The following CPEB1 variants were observed in gnomAD, a reference collection of about 807,000 sequenced individuals.
The protein encoded by CPEB1 is cytoplasmic polyadenylation element binding protein 1.
CPEB1 carries 7 observed loss-of-function variants against 65.8 expected under a neutral mutation model. That is an observed-to-expected ratio of 0.11 (90% CI 0.06 to 0.20). CPEB1 has a LOEUF of 0.20. Ranked by LOEUF, CPEB1 falls within the 10% of genes least tolerant of loss-of-function variation. The probability of loss-of-function intolerance (pLI) is 1.00; values close to 1 mark genes in which losing one functional copy is unlikely to be tolerated. For synonymous variants in CPEB1, 262 were observed against 260.0 expected (o/e 1.01, Z -0.08); for missense variants, 551 against 712.2 (o/e 0.77, Z 2.58).
chr15:82,648,192 A>G, upstream of CPEB1: 1 of 307,238 alleles, frequency 3.3e-6, no homozygotes. Context: ...CTGGGGGGCC[A>G]GAGACCTAAG....
At chr15:82,647,820 G>A, upstream of CPEB1, 1 of 1,282,804 alleles carries the variant, frequency 7.8e-7, no homozygotes, top group Non-Finnish European at 9.8e-7. Context: ...CGGCCGGGAC[G>A]CGGCCCCGCC....
intron 3 of CPEB1, among the ~76,000 whole-genome samples, chr15:82,591,756 G>C (rs1234298576): frequency 1.3e-5 from 2 of 151,540 alleles, no homozygotes; most frequent in Non-Finnish European, 2.9e-5. Context: ...TCTGGATATT[G>C]CACATAAATT....
intron 3 of CPEB1, among the ~76,000 whole-genome samples, chr15:82,603,735 GACT>G (rs1181528428): frequency 6.6e-6 from 1 of 151,920 alleles, no homozygotes; most frequent in African/African-American, 2.4e-5. Context: ...ATCATTAGCC[GACT>G]ACTAAGATAA....
In CPEB1 at chr15:82,586,214, T is replaced by C. The variant is rs183324510; in HGVS notation, c.272-14682A>G. 1.7e-3 allele frequency among the ~76,000 whole-genome samples: 261 copies of C among 151,840 alleles called. 1 individual carries two copies. Among genetic ancestry groups the C allele is most frequent in the African/African-American group, 5.8e-3 (238 of 41,380 alleles). The stretch of plus-strand genomic sequence containing the variant: ...CATTTGGAATGTTAATCTAATTTGA[T>C]TGGAAGGTTGAAGCATTTTTTTCAG... On this transcript the variant is annotated intron_variant, in intron 3 of 12. Coordinates refer to ENST00000684509, the MANE Select transcript of CPEB1 (RefSeq NM_001365242.1).
At chr15:82,634,339 G>A in intron 1 of CPEB1, among the ~76,000 whole-genome samples, 1 of 152,068 alleles carries the variant, frequency 6.6e-6, no homozygotes. Flanking sequence ...TGGAAACCTT[G>A]GCCCTGCCTT....
intron 9 of CPEB1, 114 bp from the exon 10 acceptor site, chr15:82,549,772 G>T (rs2035924936): frequency 1.0e-6 from 1 of 986,668 alleles, no homozygotes; most frequent in Non-Finnish European, 1.5e-6. Context: ...GCCCTTACAG[G>T]GGTGAAAAGG....
intron 4 of CPEB1, among the ~76,000 whole-genome samples, chr15:82,560,956 T>C (rs1205931625): frequency 1.3e-5 from 2 of 152,200 alleles, no homozygotes; most frequent in African/African-American, 2.4e-5. Flanking sequence ...GAATTGATGA[T>C]AACAGCAACA....
At chr15:82,586,974 G>A (rs2041854113) in intron 3 of CPEB1, among the ~76,000 whole-genome samples, 1 of 152,094 alleles carries the variant, frequency 6.6e-6, no homozygotes, top group African/African-American at 2.4e-5. Flanking sequence ...AACAGAGAAG[G>A]AATTGCAATT....
At chr15:82,588,168 G>A (rs2041952714) in intron 3 of CPEB1, among the ~76,000 whole-genome samples, 1 of 151,522 alleles carries the variant, frequency 6.6e-6, no homozygotes, top group Non-Finnish European at 1.5e-5. Flanking sequence ...GGCTGGTCTC[G>A]AACTCCTGGG....
chr15:82,564,775 C>T (rs1411196058), intron 4 of CPEB1, among the ~76,000 whole-genome samples: 1 of 152,152 alleles, frequency 6.6e-6, no homozygotes, highest in Non-Finnish European at 1.5e-5. Flanking sequence ...AAGAAAGCTC[C>T]TCTGCTTGAG....
rs577285342 is a variant in CPEB1, at chr15:82,622,011, G to C, written c.271+5182C>G. Among the ~76,000 whole-genome samples, 140 of 152,280 alleles carry C rather than the reference G, an allele frequency of 9.2e-4. 1 individual carries two copies. Among genetic ancestry groups the C allele is most frequent in the African/African-American group, 3.2e-3 (133 of 41,546 alleles). On this transcript the variant is annotated intron_variant, in intron 3 of 12. Transcript: ENST00000684509. Reference sequence around the variant, plus strand: ...TATAGCAGTTAAGACATCCCTTAATGATGTTTCACCACTTTTCACATCTTT... The same window carrying C: ...TATAGCAGTTAAGACATCCCTTAATCATGTTTCACCACTTTTCACATCTTT...
chr15:82,647,649 G>T (rs1021113191), upstream of CPEB1: 5 of 358,280 alleles, frequency 1.4e-5, no homozygotes, highest in African/African-American at 1.1e-4. Context: ...CAAAGGCCCT[G>T]AGTCACGAGG....
intron 3 of CPEB1, among the ~76,000 whole-genome samples, chr15:82,615,870 C>T (rs1021779172): frequency 1.3e-5 from 2 of 151,944 alleles, no homozygotes; most frequent in African/African-American, 4.8e-5. Flanking sequence ...GATGTGGGCA[C>T]AGGAGACTTA....
chr15:82,608,103 T>C (rs949254368), intron 3 of CPEB1, among the ~76,000 whole-genome samples: 3 of 152,250 alleles, frequency 2.0e-5, no homozygotes, highest in Non-Finnish European at 4.4e-5. Context: ...ATCTAATGCT[T>C]TCTTTCAAGC....
Position 82,552,612 on chromosome 15 carries a change from A to G in CPEB1, c.1149T>C (p.Tyr383=), listed in dbSNP as rs1265272251. Residue 383 remains tyrosine (Y), a synonymous_variant, in exon 9 of 13, where the codon TAT becomes TAC. Transcript: ENST00000684509. The stretch of plus-strand genomic sequence containing the variant: ...TCTCTAGTTCGAAGACCAGATACAC[A>G]TACCCTATTCCCAATGAGAGGAAAA... ...GKHPRCPPKG[Y]VYLVFELEKS... The G allele has an allele frequency of 3.7e-6, 6 of 1,613,960 alleles. No homozygotes were observed. The Admixed American group carries it at 5.0e-5, about 13-fold the overall frequency.
rs147349730 is a variant in CPEB1 at position 82,646,475 on chromosome 15, G to A, written c.-98+662C>T. ...GCGCGGGGCGGGGGAGGAGAGACGC[G>A]GCCTCCTCCCAGGCGGGCCTGGCGG... On this transcript the variant is annotated intron_variant, in intron 1 of 12. Coordinates refer to ENST00000684509, the MANE Select transcript of CPEB1 (RefSeq NM_001365242.1). 1.6e-4 allele frequency among the ~76,000 whole-genome samples: 24 copies of A among 152,258 alleles called. No homozygotes were observed. The East Asian group carries it at 4.5e-3, about 28-fold the overall frequency.
intron 9 of CPEB1, among the ~76,000 whole-genome samples, chr15:82,551,900 T>TA (rs1161639748): frequency 6.6e-6 from 1 of 152,062 alleles, no homozygotes; most frequent in Non-Finnish European, 1.5e-5. Context: ...ATAAACTCGT[T>TA]AGAGACCCAT....
In CPEB1 at chr15:82,558,006, A is replaced by T; in HGVS notation, c.461-20T>A. On this transcript the variant is annotated intron_variant, in intron 4 of 12. Transcript: ENST00000684509. ...TCAGTACTAGGAGGACAAAAAAGGA[A>T]ACCTCATGACCTCTTAGTTTTCTTT... 1 of 1,520,958 alleles carries T rather than the reference A, an allele frequency of 6.6e-7. No homozygotes were observed. The highest frequency in any genetic ancestry group is 8.9e-7 in the Non-Finnish European group (1 of 1,123,520). The allele number at this position is 1,520,958 out of a possible 1,614,324, so 94.2% of individuals were successfully genotyped here. A position where few individuals can be genotyped will look rare whatever the true frequency, so the allele number is the denominator to read the frequency against.
upstream of CPEB1, chr15:82,648,097 C>T (rs2047731011): frequency 8.0e-6 from 3 of 372,688 alleles, no homozygotes; most frequent in Non-Finnish European, 9.5e-6. Context: ...CGCCCCGCCC[C>T]TCCTAGCAGG....
Sources: allele counts gnomAD v4.1 joint callset (sites outside exome capture counted in the v4.1 genomes callset), GRCh38; gene constraint gnomAD v4.1.1; transcripts MANE v1.5; gene names NCBI Gene and HGNC (gene_info 2026-07-23, HGNC 2026-07-21).